Variants in UBE2J1 observed in about 807,000 individuals in gnomAD.
UBE2J1 encodes ubiquitin-conjugating enzyme E2 J1.
A neutral mutation model predicts 42.1 loss-of-function variants in UBE2J1; 17 were observed. That is an observed-to-expected ratio of 0.40 (90% confidence interval 0.28 to 0.61). UBE2J1 has a LOEUF of 0.61. UBE2J1 is among the 20% of genes least tolerant of loss of function. UBE2J1 has a pLI of 0.38. For missense variants in UBE2J1, 291 were observed against 389.4 expected, an observed-to-expected ratio of 0.75 and a Z score of 2.13; for synonymous variants, 127 against 137.2, an observed-to-expected ratio of 0.93 and a Z score of 0.52.
Position 89,352,615 on chromosome 6 carries a change from C to G in UBE2J1, c.-46G>C. On this transcript the variant is annotated 5_prime_UTR_variant, in exon 1 of 8. Transcript: ENST00000435041. Reference sequence around the variant, plus strand: ...CCGGCCTCCCGGGCCGCTGCCACCTCCTCTCCACGCGGCCGCTGCCCGGGT... The same window carrying G: ...CCGGCCTCCCGGGCCGCTGCCACCTGCTCTCCACGCGGCCGCTGCCCGGGT... 1 of 1,528,286 alleles carries G rather than the reference C, an allele frequency of 6.5e-7. No individual in the cohort carries two copies. The highest frequency in any genetic ancestry group is 8.7e-7 in the Non-Finnish European group (1 of 1,144,882). 94.7% of individuals were successfully genotyped at this position (1,528,286 alleles called of 1,614,324 possible).
intron 1 of UBE2J1, among the ~76,000 whole-genome samples, chr6:89,350,431 T>TA (rs1359617533): frequency 6.6e-6 from 1 of 152,186 alleles, no homozygotes; most frequent in Non-Finnish European, 1.5e-5. Flanking sequence ...GGCATTACTC[T>TA]AAAAATACCA....
chr6:89,329,419 T>A lies in UBE2J1; in HGVS notation c.*260A>T. The stretch of plus-strand genomic sequence containing the variant: ...ATTTACATAAAAAGAAGATGAAACA[T>A]GAGAAAAAACAAGTTATTTCCCTGC... On this transcript the variant is annotated 3_prime_UTR_variant, in exon 8 of 8. Coordinates refer to ENST00000435041, the MANE Select transcript of UBE2J1 (RefSeq NM_016021.3). 1 of 439,214 alleles carries A rather than the reference T, an allele frequency of 2.3e-6. No individual in the cohort carries two copies. The highest frequency in any genetic ancestry group is 2.9e-5 in the South Asian group (1 of 34,986). The allele number at this position is 439,214 out of a possible 1,614,324, so 27.2% of individuals were successfully genotyped here. A position where few individuals can be genotyped will look rare whatever the true frequency, so the allele number is the denominator to read the frequency against.
At chr6:89,343,384 G>A (rs1178859062) in intron 2 of UBE2J1, among the ~76,000 whole-genome samples, 1 of 139,754 alleles carries the variant, frequency 7.2e-6, no homozygotes, top group Admixed American at 7.6e-5. Flanking sequence ...GCAGTGAGCC[G>A]AGATCACATC....
chr6:89,334,596 C>T (rs941586030), intron 6 of UBE2J1, among the ~76,000 whole-genome samples: 5 of 151,900 alleles, frequency 3.3e-5, no homozygotes, highest in Admixed American at 6.6e-5. Context: ...CTCAGCCTCC[C>T]GAGTAGCTGG....
chr6:89,340,784 T>G (rs1768231392), intron 3 of UBE2J1, among the ~76,000 whole-genome samples: 1 of 151,404 alleles, frequency 6.6e-6, no homozygotes, highest in Non-Finnish European at 1.5e-5. Context: ...GTTTTTTTTT[T>G]TTGAGATGGA....
At chr6:89,336,043 G>A (rs1374057998) in intron 5 of UBE2J1, among the ~76,000 whole-genome samples, 2 of 152,056 alleles carry the variant, frequency 1.3e-5, no homozygotes, top group East Asian at 3.9e-4. Context: ...TTGTATTCCA[G>A]ATATAGTCAA....
At chr6:89,342,736 G>T (rs973878333) in intron 2 of UBE2J1, among the ~76,000 whole-genome samples, 7 of 151,940 alleles carry the variant, frequency 4.6e-5, no homozygotes, top group Non-Finnish European at 7.4e-5. Context: ...TAACTTACAG[G>T]TTTAAATTGG....
In UBE2J1 at chr6:89,335,298, G is replaced by T; in HGVS notation, c.558+4C>A. On this transcript the variant is annotated splice_donor_region_variant and intron_variant, in intron 6 of 7. Coordinates refer to ENST00000435041, the MANE Select transcript of UBE2J1 (RefSeq NM_016021.3). ...ATTAGCATTTATTTAAGAATTTATA[G>T]TACCTTAAAGCTTATTTGCCTAGCC... 6.4e-7 allele frequency: 1 copy of T among 1,560,058 alleles called. No individual in the cohort carries two copies. Among genetic ancestry groups the T allele is most frequent in the Non-Finnish European group, 8.7e-7 (1 of 1,153,110 alleles).
chr6:89,347,669 C>A (rs1037567826), intron 1 of UBE2J1, among the ~76,000 whole-genome samples: 1 of 152,060 alleles, frequency 6.6e-6, no homozygotes, highest in African/African-American at 2.4e-5. Context: ...TGAGATTAGT[C>A]TCTTGTTTCC....
Position 89,338,653 on chromosome 6 carries a change from G to GT in UBE2J1, c.238-111dup, listed in dbSNP as rs1486254673. Reference sequence around the variant, plus strand: ...ATAATTTTAGAGATTATCTTAAAAAGTTTGTTTTTTTTTTTTTTTTTTTTT... The same window carrying GT: ...ATAATTTTAGAGATTATCTTAAAAAGTTTTGTTTTTTTTTTTTTTTTTTTTT... On this transcript the variant is annotated intron_variant, in intron 3 of 7. Coordinates refer to ENST00000435041, the MANE Select transcript of UBE2J1 (RefSeq NM_016021.3). 829 of 120,534 alleles carry GT rather than the reference G, an allele frequency of 6.9e-3. 70 individuals carry two copies. In the East Asian group the frequency reaches 0.1, roughly 15 times the overall value. 7.5% of individuals were successfully genotyped at this position (120,534 alleles called of 1,614,324 possible). A position where few individuals can be genotyped will look rare whatever the true frequency, so the allele number is the denominator to read the frequency against.
chr6:89,338,971 AT>A (rs200192434), intron 3 of UBE2J1, among the ~76,000 whole-genome samples: 8,719 of 151,446 alleles, frequency 0.058, 300 homozygotes, highest in Middle Eastern at 0.14. Flanking sequence ...GGCCAAAAAG[AT>A]TTTTTTTTAA....
At chr6:89,351,505 T>G (rs145088894) in intron 1 of UBE2J1, among the ~76,000 whole-genome samples, 1 of 152,320 alleles carries the variant, frequency 6.6e-6, no homozygotes, top group South Asian at 2.1e-4. Context: ...CAGGCTTTTC[T>G]GGGGTTTTTG....
intron 5 of UBE2J1, 102 bp downstream of exon 5, chr6:89,338,103 A>G: frequency 1.4e-6 from 1 of 723,848 alleles, no homozygotes; most frequent in African/African-American, 1.8e-5. Context: ...AGCTACAGTC[A>G]CTCAGAAAAT....
chr6:89,336,984 C>G (rs761168551), intron 5 of UBE2J1, among the ~76,000 whole-genome samples: 19 of 152,014 alleles, frequency 1.2e-4, no homozygotes, highest in Non-Finnish European at 2.2e-4. Context: ...AGACTACAGG[C>G]ACGTGCCACC....
At chr6:89,332,953 G>A (rs533461790) in intron 7 of UBE2J1, 133 bp downstream of exon 7, 32 of 633,830 alleles carry the variant, frequency 5.0e-5, no homozygotes, top group Admixed American at 2.1e-4. Context: ...ATTCATTAGC[G>A]GGACTGATGA....
intron 1 of UBE2J1, among the ~76,000 whole-genome samples, chr6:89,348,742 T>C (rs1768409759): frequency 6.6e-6 from 1 of 152,234 alleles, no homozygotes; most frequent in Admixed American, 6.5e-5. Flanking sequence ...ATTGACCAAG[T>C]ATATATGTAC....
intron 5 of UBE2J1, among the ~76,000 whole-genome samples, chr6:89,336,849 T>C (rs991814310): frequency 2.0e-5 from 3 of 152,048 alleles, no homozygotes; most frequent in African/African-American, 7.2e-5. Context: ...ATCTTTGTTT[T>C]TTTTTTTTGA....
intron 1 of UBE2J1, among the ~76,000 whole-genome samples, chr6:89,349,484 G>T (rs1768425527): frequency 6.6e-6 from 1 of 152,186 alleles, no homozygotes; most frequent in African/African-American, 2.4e-5. Context: ...TCAGGGCAGG[G>T]ATGGAGCAAG....
chr6:89,332,075 G>A (rs73506037), intron 7 of UBE2J1, among the ~76,000 whole-genome samples: 7,894 of 152,044 alleles, frequency 0.052, 626 homozygotes, highest in African/African-American at 0.17. Context: ...CTCTGAATAG[G>A]AGAGACTCAC....
Sources: gnomAD v4.1 joint callset for allele counts (sites outside exome capture counted in the v4.1 genomes callset) on GRCh38, gnomAD v4.1.1 for gene constraint, MANE v1.5 for transcripts, NCBI Gene and HGNC (gene_info 2026-07-23, HGNC 2026-07-21) for gene names.